Variants in SUMF1 observed in about 807,000 individuals in gnomAD.
The protein encoded by SUMF1 is formylglycine-generating enzyme.
In SUMF1, 48 loss-of-function variants were observed where a neutral mutation model predicts 47.6. The observed-to-expected ratio is 1.01, with a 90% CI of 0.80 to 1.28. The LOEUF is 1.28. SUMF1 is among the 50% of genes most tolerant of loss of function. The pLI is 0.00. For missense variants in SUMF1, 571 were observed against 485.4 expected (o/e 1.18, Z -1.66); for synonymous variants, 230 against 192.1 (o/e 1.20, Z -1.63).
intron 8 of SUMF1, among the ~76,000 whole-genome samples, chr3:4,167,752 G>A (rs1029784429): frequency 6.6e-6 from 1 of 152,164 alleles, no homozygotes; most frequent in East Asian, 1.9e-4. Context: ...CAGCAGAAAG[G>A]TCAAAGAAGC....
At chr3:4,438,622 A>G (rs949738979) in intron 3 of SUMF1, among the ~76,000 whole-genome samples, 3 of 152,174 alleles carry the variant, frequency 2.0e-5, no homozygotes, top group South Asian at 2.1e-4. Flanking sequence ...CCAAACTTAC[A>G]TACGCTTAGT....
chr3:4,178,523 C>T (rs749378763), intron 8 of SUMF1, among the ~76,000 whole-genome samples: 1 of 152,062 alleles, frequency 6.6e-6, no homozygotes, highest in Non-Finnish European at 1.5e-5. Context: ...ATTAACTAGG[C>T]ATGGATGGAA....
At chr3:4,302,384 G>GAA (rs1385529839) in intron 8 of SUMF1, among the ~76,000 whole-genome samples, 1 of 152,178 alleles carries the variant, frequency 6.6e-6, no homozygotes, top group Non-Finnish European at 1.5e-5. Flanking sequence ...ATTATCTAAA[G>GAA]ACCTAAAATC....
intron 8 of SUMF1, among the ~76,000 whole-genome samples, chr3:4,322,661 A>T (rs1698861916): frequency 1.4e-5 from 2 of 143,104 alleles, no homozygotes; most frequent in South Asian, 2.1e-4. Context: ...CCTGCCTATA[A>T]AAAAAAAAAA....
At chr3:4,208,519 A>G (rs566438318) in intron 8 of SUMF1, among the ~76,000 whole-genome samples, 4 of 151,972 alleles carry the variant, frequency 2.6e-5, no homozygotes, top group Non-Finnish European at 4.4e-5. Context: ...ATAACCAGAG[A>G]TAGATATGGT....
chr3:4,044,955 A>C (rs1694979532), intron 9 of SUMF1, among the ~76,000 whole-genome samples: 2 of 152,194 alleles, frequency 1.3e-5, no homozygotes, highest in Non-Finnish European at 2.9e-5. Context: ...ATGATAAAAA[A>C]AAGTCCAACA....
At chr3:4,306,882 T>C (rs1698210996) in intron 8 of SUMF1, among the ~76,000 whole-genome samples, 1 of 152,230 alleles carries the variant, frequency 6.6e-6, no homozygotes, top group Admixed American at 6.5e-5. Flanking sequence ...CATATCATAA[T>C]GTCATCAGTG....
intron 8 of SUMF1, among the ~76,000 whole-genome samples, chr3:4,082,360 T>G (rs1574866488): frequency 6.6e-6 from 1 of 151,932 alleles, no homozygotes; most frequent in East Asian, 1.9e-4. Flanking sequence ...TCCCAGCTAC[T>G]CGAGAGGCTG....
chr3:4,121,570 A>C (rs1187020895), intron 8 of SUMF1, among the ~76,000 whole-genome samples: 4 of 152,120 alleles, frequency 2.6e-5, no homozygotes, highest in African/African-American at 7.2e-5. Flanking sequence ...TGTAGACATA[A>C]TTTGAAAAGT....
chr3:4,216,593 A>G (rs1695929966), intron 8 of SUMF1, among the ~76,000 whole-genome samples: 1 of 152,206 alleles, frequency 6.6e-6, no homozygotes, highest in African/African-American at 2.4e-5. Flanking sequence ...CTATCATCAG[A>G]GTAAACAGGC....
intron 8 of SUMF1, among the ~76,000 whole-genome samples, chr3:4,104,602 G>T (rs929335690): frequency 7.2e-5 from 11 of 151,928 alleles, no homozygotes; most frequent in Non-Finnish European, 1.0e-4. Flanking sequence ...ACCCTGCTGG[G>T]CCACCTCAGG....
intron 8 of SUMF1, among the ~76,000 whole-genome samples, chr3:4,122,373 G>T (rs1334975389): frequency 2.0e-5 from 3 of 152,136 alleles, no homozygotes; most frequent in South Asian, 2.1e-4. Flanking sequence ...AAAGCAGATT[G>T]GTGGTGGCTA....
chr3:4,175,617 T>C (rs971755490), intron 8 of SUMF1, among the ~76,000 whole-genome samples: 23 of 152,196 alleles, frequency 1.5e-4, no homozygotes, highest in African/African-American at 5.3e-4. Flanking sequence ...ATTCTAAAAA[T>C]CGAGCAGTTT....
intron 8 of SUMF1, among the ~76,000 whole-genome samples, chr3:4,251,880 T>C (rs1696810142): frequency 6.6e-6 from 1 of 152,228 alleles, no homozygotes; most frequent in Non-Finnish European, 1.5e-5. Flanking sequence ...TGAAGTATTT[T>C]AGTAAGCTAT....
intron 7 of SUMF1, among the ~76,000 whole-genome samples, chr3:4,395,728 A>G (rs1701018991): frequency 1.3e-5 from 2 of 152,204 alleles, no homozygotes; most frequent in African/African-American, 4.8e-5. Flanking sequence ...TTGAAATTGT[A>G]TTACACTTGC....
chr3:4,279,094 T>C (rs764192746), intron 8 of SUMF1, among the ~76,000 whole-genome samples: 1 of 152,174 alleles, frequency 6.6e-6, no homozygotes, highest in Non-Finnish European at 1.5e-5. Flanking sequence ...CTTGACACTT[T>C]TGCCACATGT....
intron 8 of SUMF1, among the ~76,000 whole-genome samples, chr3:4,172,315 C>T (rs1694848982): frequency 6.6e-6 from 1 of 152,060 alleles, no homozygotes; most frequent in African/African-American, 2.4e-5. Flanking sequence ...CAAGGAGAGA[C>T]ATGCAGGAAA....
chr3:4,090,121 T>TAA (rs1338026307), intron 8 of SUMF1, among the ~76,000 whole-genome samples: 1 of 152,120 alleles, frequency 6.6e-6, no homozygotes, highest in Non-Finnish European at 1.5e-5. Flanking sequence ...TCATTAATAT[T>TAA]TGGTAAATGA....
chr3:4,082,973 A>C (rs1374409696), intron 8 of SUMF1, among the ~76,000 whole-genome samples: 1 of 152,136 alleles, frequency 6.6e-6, no homozygotes, highest in African/African-American at 2.4e-5. Context: ...ACAGAGGTTC[A>C]TATTTAAAAG....
Sources: gnomAD v4.1 joint callset for allele counts (sites outside exome capture counted in the v4.1 genomes callset) on GRCh38, gnomAD v4.1.1 for gene constraint, MANE v1.5 for transcripts, NCBI Gene and HGNC (gene_info 2026-07-23, HGNC 2026-07-21) for gene names.